FOXP1: variants seen among roughly 807,000 people sequenced by gnomAD.
The protein encoded by FOXP1 is forkhead box P1, also known as forkhead box protein P1.
A neutral mutation model predicts 98.2 loss-of-function variants in FOXP1; 15 were observed. The ratio of observed to expected loss-of-function variants is 0.15; its 90% CI spans 0.10 to 0.24. The LOEUF is 0.24. Ranked by LOEUF, FOXP1 falls within the 10% of genes least tolerant of loss-of-function variation. The pLI is 1.00. For missense variants in FOXP1, 633 were observed against 848.5 expected, an observed-to-expected ratio of 0.75 and a Z score of 3.15; for synonymous variants, 371 against 314.5, an observed-to-expected ratio of 1.18 and a Z score of -1.90.
chr3:71,059,048 C>T (rs538322679), intron 7 of FOXP1, among the ~76,000 whole-genome samples: 12 of 152,246 alleles, frequency 7.9e-5, no homozygotes, highest in African/African-American at 2.9e-4. Flanking sequence ...GCAAAATCAT[C>T]TAGGTAGTCA....
At chr3:71,354,094 C>T (rs1359460975) in intron 4 of FOXP1, among the ~76,000 whole-genome samples, 3 of 147,040 alleles carry the variant, frequency 2.0e-5, no homozygotes, top group Non-Finnish European at 4.4e-5. Flanking sequence ...ATCACAAGAT[C>T]AGGAGTTCAA....
At chr3:71,521,727 T>C (rs1409749503) in intron 2 of FOXP1, among the ~76,000 whole-genome samples, 1 of 152,230 alleles carries the variant, frequency 6.6e-6, no homozygotes, top group Non-Finnish European at 1.5e-5. Flanking sequence ...ATTTGAGTTT[T>C]CTGGTTTCTT....
At chr3:71,020,887 G>C (rs143167182) in intron 11 of FOXP1, among the ~76,000 whole-genome samples, 1 of 151,864 alleles carries the variant, frequency 6.6e-6, no homozygotes, top group Non-Finnish European at 1.5e-5. Flanking sequence ...TGCCCATTAC[G>C]GTTTATGCCT....
At chr3:71,277,556 G>A (rs1405758611) in intron 5 of FOXP1, among the ~76,000 whole-genome samples, 1 of 151,986 alleles carries the variant, frequency 6.6e-6, no homozygotes, top group Non-Finnish European at 1.5e-5. Flanking sequence ...CTTGCCACAT[G>A]CATCAGTCTG....
rs570124935 is a variant in FOXP1 at position 71,359,254 on chromosome 3, A to G, written c.-167-10T>C. On this transcript the variant is annotated splice_polypyrimidine_tract_variant and intron_variant, in intron 3 of 20. Transcript: ENST00000649528. ...AACACACAGAGGGAAGCTGAAAGCA[A>G]AAAGAAAAGAAGAGGTTAAGTGAAG... is the stretch of plus-strand genomic sequence containing the variant. 6.6e-6 allele frequency: 1 copy of G among 152,362 alleles called. No homozygotes were observed. The highest frequency in any genetic ancestry group is 6.5e-5 in the Admixed American group (1 of 15,296). The allele number at this position is 152,362 out of a possible 1,614,324, so 9.4% of individuals were successfully genotyped here.
At chr3:71,387,588 T>C (rs2080687844) in intron 3 of FOXP1, among the ~76,000 whole-genome samples, 1 of 152,250 alleles carries the variant, frequency 6.6e-6, no homozygotes, top group East Asian at 1.9e-4. Context: ...ATCTGTCTCT[T>C]TGAATTCACA....
chr3:71,479,346 G>A (rs1013831425), intron 3 of FOXP1, among the ~76,000 whole-genome samples: 4 of 152,158 alleles, frequency 2.6e-5, no homozygotes, highest in Non-Finnish European at 5.9e-5. Context: ...TCACTGTTTC[G>A]TTTCCAAATG....
intron 5 of FOXP1, among the ~76,000 whole-genome samples, chr3:71,260,956 A>G (rs555553203): frequency 9.8e-5 from 15 of 152,308 alleles, no homozygotes; most frequent in Admixed American, 7.2e-4. Flanking sequence ...ACCACACACC[A>G]TCTGCCCTTC....
At position 71,539,411 on chromosome 3, in the gene FOXP1, G is replaced by A. The variant is rs151210983; in HGVS notation, c.-298+42138C>T. Among the ~76,000 whole-genome samples, 493 of 150,564 alleles carry A rather than the reference G, an allele frequency of 3.3e-3. 3 individuals carry two copies. Among genetic ancestry groups the A allele is most frequent in the African/African-American group, 0.011 (469 of 40,892 alleles). On this transcript the variant is annotated intron_variant, in intron 2 of 20. Coordinates refer to ENST00000649528, the MANE Select transcript of FOXP1 (RefSeq NM_001349338.3). ...GCTGGGATTACAGGCGTGAGCCGCC[G>A]CGCTCGGTCATCTCTGTTCTTTTTC...
At chr3:71,064,152 T>TTCGC (rs769613832) in intron 7 of FOXP1, among the ~76,000 whole-genome samples, 1 of 152,198 alleles carries the variant, frequency 6.6e-6, no homozygotes, top group Non-Finnish European at 1.5e-5. Flanking sequence ...GAGTGTTCCA[T>TTCGC]TCGCTCGCTC....
At chr3:71,049,838 T>C (rs1268727992) in intron 9 of FOXP1, among the ~76,000 whole-genome samples, 1 of 152,118 alleles carries the variant, frequency 6.6e-6, no homozygotes, top group Non-Finnish European at 1.5e-5. Flanking sequence ...GCATGATAAT[T>C]CCAGGAGACT....
intron 3 of FOXP1, among the ~76,000 whole-genome samples, chr3:71,427,418 A>G (rs1296389043): frequency 6.6e-6 from 1 of 152,258 alleles, no homozygotes. Flanking sequence ...GGGCATGTAA[A>G]GCGTAAAGCT....
At chr3:71,582,371 C>T (rs575306062) in intron 1 of FOXP1, 1 of 976,858 alleles carries the variant, frequency 1.0e-6, no homozygotes, top group African/African-American at 1.7e-5. Context: ...CCTCGGCTCC[C>T]GGCGCCGCCG....
Position 71,290,744 on chromosome 3 carries a change from A to G in FOXP1, c.-12+9076T>C, listed in dbSNP as rs778989643. 1.1e-3 allele frequency among the ~76,000 whole-genome samples: 175 copies of G among 152,294 alleles called. 1 individual carries two copies. The highest frequency in any genetic ancestry group is 2.2e-3 in the Non-Finnish European group (148 of 68,030). ...ATTCTGCAATCAAAAGTGCTCCGAAATCCAAAACTTTTTGAGCACAGATAC... is the reference window on the plus strand; with the variant it reads ...ATTCTGCAATCAAAAGTGCTCCGAAGTCCAAAACTTTTTGAGCACAGATAC... On this transcript the variant is annotated intron_variant, in intron 5 of 20. Coordinates refer to ENST00000649528, the MANE Select transcript of FOXP1 (RefSeq NM_001349338.3).
chr3:71,181,733 T>C (rs959924608), intron 6 of FOXP1, among the ~76,000 whole-genome samples: 3 of 151,916 alleles, frequency 2.0e-5, no homozygotes, highest in African/African-American at 7.3e-5. Flanking sequence ...GTGGTGGAAA[T>C]TTAAAGAAAA....
intron 2 of FOXP1, among the ~76,000 whole-genome samples, chr3:71,515,403 C>T (rs960610038): frequency 1.5e-5 from 2 of 134,372 alleles, no homozygotes; most frequent in African/African-American, 5.7e-5. Context: ...AAATGGTATA[C>T]GCATTTCCCT....
chr3:71,324,071 C>T (rs913000790), intron 4 of FOXP1, among the ~76,000 whole-genome samples: 1 of 151,762 alleles, frequency 6.6e-6, no homozygotes, highest in Admixed American at 6.6e-5. Context: ...TTTAAATATA[C>T]ATTAAATATA....
chr3:71,306,381 G>A (rs890587855), intron 4 of FOXP1, among the ~76,000 whole-genome samples: 7 of 151,972 alleles, frequency 4.6e-5, no homozygotes, highest in African/African-American at 1.7e-4. Flanking sequence ...TCTACTATGG[G>A]TTGCATTTCA....
chr3:71,401,359 A>G (rs2081949011), intron 3 of FOXP1, among the ~76,000 whole-genome samples: 1 of 152,164 alleles, frequency 6.6e-6, no homozygotes, highest in African/African-American at 2.4e-5. Context: ...AGAGAGAGAG[A>G]GGCAGCTGCC....
Sources: allele counts gnomAD v4.1 joint callset (sites outside exome capture counted in the v4.1 genomes callset), GRCh38; gene constraint gnomAD v4.1.1; transcripts MANE v1.5; gene names NCBI Gene and HGNC (gene_info 2026-07-23, HGNC 2026-07-21).